The following BBS9 variants were observed in gnomAD, a reference collection of about 807,000 sequenced individuals.
The protein encoded by BBS9 is Bardet-Biedl syndrome 9.
BBS9 carries 89 observed loss-of-function variants against 117.7 expected under a neutral mutation model. The observed-to-expected ratio is 0.76, with a 90% CI of 0.64 to 0.90. The LOEUF is 0.90. Among genes scored for constraint, BBS9 ranks in the 40% least tolerant of loss-of-function variants. The probability of loss-of-function intolerance (pLI) is 0.00; values close to 1 mark genes in which losing one functional copy is unlikely to be tolerated. For synonymous variants in BBS9, 379 were observed against 370.9 expected, an observed-to-expected ratio of 1.02 and a Z score of -0.25; for missense variants, 982 against 1,042.2, an observed-to-expected ratio of 0.94 and a Z score of 0.80.
intron 9 of BBS9, among the ~76,000 whole-genome samples, chr7:33,326,957 G>T (rs1812985701): frequency 6.6e-6 from 1 of 151,940 alleles, no homozygotes; most frequent in African/African-American, 2.4e-5. Flanking sequence ...TTCGGGGAAA[G>T]GTGGTGCAAG....
intron 5 of BBS9, among the ~76,000 whole-genome samples, chr7:33,183,464 TA>T (rs951633553): frequency 2.0e-5 from 3 of 152,038 alleles, no homozygotes; most frequent in Admixed American, 6.5e-5. Flanking sequence ...TAGTGCTCCT[TA>T]AAAAAAATTC....
At chr7:33,513,519 G>T (rs1847281041) in intron 20 of BBS9, among the ~76,000 whole-genome samples, 1 of 152,162 alleles carries the variant, frequency 6.6e-6, no homozygotes, top group Non-Finnish European at 1.5e-5. Flanking sequence ...AATTACAGAT[G>T]CTTGTCCAAT....
At chr7:33,168,593 CATAA>C (rs1796049253) in intron 4 of BBS9, among the ~76,000 whole-genome samples, 1 of 152,064 alleles carries the variant, frequency 6.6e-6, no homozygotes, top group African/African-American at 2.4e-5. Context: ...AATAAAATCT[CATAA>C]ATAAATTTAT....
chr7:33,492,203 G>GAAAAAAAAAAA (rs138972197), intron 19 of BBS9, among the ~76,000 whole-genome samples: 7 of 72,382 alleles, frequency 9.7e-5, no homozygotes, highest in Admixed American at 1.6e-4. Context: ...ATTCCACCTC[G>GAAAAAAAAAAA]AAAAAAAAAA....
chr7:33,565,809 A>ATATATATATATATG (rs1856793289), intron 21 of BBS9, among the ~76,000 whole-genome samples: 2 of 49,490 alleles, frequency 4.0e-5, no homozygotes, highest in African/African-American at 2.0e-4. Context: ...ATATATATAT[A>ATATATATATATATG]TATATATATA....
intron 17 of BBS9, among the ~76,000 whole-genome samples, chr7:33,378,683 C>G (rs926208973): frequency 1.1e-4 from 17 of 152,216 alleles, no homozygotes; most frequent in African/African-American, 4.1e-4. Context: ...CTGAGGCAGA[C>G]ACTTGACTTC....
chr7:33,248,510 A>T (rs952915712), intron 5 of BBS9, among the ~76,000 whole-genome samples: 1 of 152,202 alleles, frequency 6.6e-6, no homozygotes, highest in African/African-American at 2.4e-5. Context: ...TTTTATTTGC[A>T]TGATGATATG....
At chr7:33,139,650 T>G (rs1287528783) in intron 1 of BBS9, among the ~76,000 whole-genome samples, 2 of 148,980 alleles carry the variant, frequency 1.3e-5, no homozygotes, top group African/African-American at 4.8e-5. Flanking sequence ...CTTGGTTTAG[T>G]ATGTTCTCTA....
chr7:33,410,019 G>A (rs977736241), intron 19 of BBS9, among the ~76,000 whole-genome samples: 1 of 152,050 alleles, frequency 6.6e-6, no homozygotes, highest in Non-Finnish European at 1.5e-5. Context: ...CCTCTGTTGT[G>A]AAATTTACTT....
intron 20 of BBS9, among the ~76,000 whole-genome samples, chr7:33,530,150 G>A (rs1850347006): frequency 6.6e-6 from 1 of 152,062 alleles, no homozygotes; most frequent in African/African-American, 2.4e-5. Context: ...TTTTGTCTCA[G>A]AGATATTCCT....
At chr7:33,238,312 C>G (rs898829587) in intron 5 of BBS9, among the ~76,000 whole-genome samples, 2 of 151,002 alleles carry the variant, frequency 1.3e-5, no homozygotes, top group Non-Finnish European at 3.0e-5. Context: ...TTTTTTGAGA[C>G]GGAGTTTCGC....
At chr7:33,368,308 T>G (rs999547113) in intron 17 of BBS9, among the ~76,000 whole-genome samples, 7 of 152,186 alleles carry the variant, frequency 4.6e-5, no homozygotes, top group African/African-American at 1.7e-4. Flanking sequence ...AAGATGACAG[T>G]GAAAGTGGAT....
chr7:33,233,054 A>G (rs929817515), intron 5 of BBS9, among the ~76,000 whole-genome samples: 2 of 152,110 alleles, frequency 1.3e-5, no homozygotes, highest in Non-Finnish European at 2.9e-5. Flanking sequence ...GAGTTTAACA[A>G]TTAGAAATTT....
chr7:33,301,117 A>G (rs757995963), intron 9 of BBS9, among the ~76,000 whole-genome samples: 45 of 151,882 alleles, frequency 3.0e-4, no homozygotes, highest in Non-Finnish European at 1.0e-4. Context: ...TGGGTTTACA[A>G]TATATATGTG....
intron 19 of BBS9, among the ~76,000 whole-genome samples, chr7:33,434,515 C>T (rs1835013743): frequency 6.6e-6 from 1 of 152,026 alleles, no homozygotes; most frequent in Non-Finnish European, 1.5e-5. Context: ...TTGCTAGATC[C>T]TGTAGCTAAA....
At chr7:33,450,743 G>C (rs1315788458) in intron 19 of BBS9, among the ~76,000 whole-genome samples, 2 of 151,914 alleles carry the variant, frequency 1.3e-5, no homozygotes, top group Admixed American at 6.5e-5. Flanking sequence ...TTATTGGGTT[G>C]TAGGAATTCT....
chr7:33,358,117 TG>T, intron 16 of BBS9, 122 bp downstream of exon 16: 2 of 1,314,154 alleles, frequency 1.5e-6, no homozygotes, highest in Non-Finnish European at 2.1e-6. Context: ...AGTATAAAAA[TG>T]CCTCAAGGAT....
At chr7:33,337,840 A>G (rs984247962) in intron 10 of BBS9, among the ~76,000 whole-genome samples, 3 of 152,156 alleles carry the variant, frequency 2.0e-5, no homozygotes, top group African/African-American at 7.2e-5. Flanking sequence ...GGCATGAAAC[A>G]TGAAATTTCC....
chr7:33,209,239 T>A (rs545016532), intron 5 of BBS9, among the ~76,000 whole-genome samples: 1 of 152,332 alleles, frequency 6.6e-6, no homozygotes, highest in East Asian at 1.9e-4. Context: ...CATAATGACC[T>A]TCAGTTACAT....
Sources: gnomAD v4.1 joint callset for allele counts (sites outside exome capture counted in the v4.1 genomes callset) on GRCh38, gnomAD v4.1.1 for gene constraint, MANE v1.5 for transcripts, NCBI Gene and HGNC (gene_info 2026-07-23, HGNC 2026-07-21) for gene names.